Variants in PIK3CA observed in about 807,000 individuals in gnomAD.
PIK3CA encodes the protein phosphatidylinositol-4,5-bisphosphate 3-kinase catalytic subunit alpha.
PIK3CA carries 27 observed loss-of-function variants against 138.2 expected under a neutral mutation model. The observed-to-expected ratio is 0.20, with a 90% CI of 0.14 to 0.27. The LOEUF (loss-of-function observed/expected upper bound fraction) is 0.27. PIK3CA is among the 10% of genes least tolerant of loss of function. The pLI is 1.00. For missense variants in PIK3CA, 544 were observed against 1,277.4 expected, an observed-to-expected ratio of 0.43 and a Z score of 8.75; for synonymous variants, 358 against 413.2, an observed-to-expected ratio of 0.87 and a Z score of 1.62.
intron 15 of PIK3CA, among the ~76,000 whole-genome samples, 178 bp from the exon 16 acceptor site, chr3:179,224,522 A>G (rs1725039802): frequency 6.6e-6 from 1 of 152,170 alleles, no homozygotes; most frequent in Non-Finnish European, 1.5e-5. Context: ...ATAACTTTTA[A>G]AACTTTTAGT....
chr3:179,213,282 G>C (rs1266420783), intron 9 of PIK3CA, among the ~76,000 whole-genome samples: 1 of 152,164 alleles, frequency 6.6e-6, no homozygotes, highest in Non-Finnish European at 1.5e-5. Flanking sequence ...TGGTTTCCCA[G>C]TGCATATAAA....
chr3:179,187,074 A>G (rs1167418182), intron 1 of PIK3CA, among the ~76,000 whole-genome samples: 1 of 151,948 alleles, frequency 6.6e-6, no homozygotes, highest in African/African-American at 2.4e-5. Context: ...TACCCTCTAT[A>G]TGATAACCAA....
intron 6 of PIK3CA, among the ~76,000 whole-genome samples, chr3:179,207,679 C>T (rs1347430936): frequency 6.6e-6 from 1 of 151,914 alleles, no homozygotes; most frequent in African/African-American, 2.4e-5. Context: ...ACCACCACGC[C>T]CAGCTAATCT....
chr3:179,158,082 T>G (rs1393001811), intron 1 of PIK3CA, among the ~76,000 whole-genome samples: 1 of 152,174 alleles, frequency 6.6e-6, no homozygotes, highest in African/African-American at 2.4e-5. Context: ...ATGAAGTGAA[T>G]TGAATTCTGT....
Position 179,239,007 on chromosome 3 carries a change from C to T in PIK3CA, c.*4643C>T. 4.6e-6 allele frequency: 1 copy of T among 216,368 alleles called. No individual in the cohort carries two copies. 13.4% of individuals were successfully genotyped at this position (216,368 alleles called of 1,614,324 possible). A position where few individuals can be genotyped will look rare whatever the true frequency, so the allele number is the denominator to read the frequency against. On this transcript the variant is annotated 3_prime_UTR_variant, in exon 21 of 21. Transcript: ENST00000263967. ...GATTTTAGGTATGTTAATATTCCAG[C>T]CTTGCTAGTTAGCATAAAGTGACAG...
Position 179,198,736 on chromosome 3 carries a change from CT to C in PIK3CA, c.-76-12del, listed in dbSNP as rs1724329838. 3.1e-6 allele frequency: 2 copies of C among 644,164 alleles called. No homozygotes were observed. The highest frequency in any genetic ancestry group is 2.6e-6 in the Non-Finnish European group (1 of 382,856). 39.9% of individuals were successfully genotyped at this position (644,164 alleles called of 1,614,324 possible). On this transcript the variant is annotated splice_polypyrimidine_tract_variant and intron_variant, in intron 1 of 20. Transcript: ENST00000263967. ...TGTGTCTCTTTTAACATATGTTTTC[CT>C]TCTTTGATTTAGGTTTCTGCTTTGG...
At chr3:179,152,100 A>C (rs1723027751) in intron 1 of PIK3CA, among the ~76,000 whole-genome samples, 1 of 152,232 alleles carries the variant, frequency 6.6e-6, no homozygotes, top group Admixed American at 6.5e-5. Context: ...GTAGTGATTC[A>C]TAAGCACCAG....
chr3:179,210,530 C>G lies in PIK3CA; in HGVS notation c.1504C>G (p.Arg502Gly), dbSNP rs1724683795. 1.9e-6 allele frequency: 3 copies of G among 1,613,666 alleles called. No homozygotes were observed. The highest frequency in any genetic ancestry group is 2.2e-5 in the South Asian group (2 of 91,070). The change falls in exon 9 of 21, where the codon CGA becomes GGA. Residue 502 changes from arginine (R) to glycine (G), a missense_variant. By Grantham distance (125) the Arg-to-Gly change is moderately radical. Coordinates refer to ENST00000263967, the MANE Select transcript of PIK3CA (RefSeq NM_006218.4). ...IEEHANWSVS[R>G]EAGFSYSHAG... ...AGAGCATGCCAATTGGTCTGTATCC[C>G]GAGAAGCAGGATTTAGCTATTCCCA... is the stretch of plus-strand genomic sequence containing the variant.
At chr3:179,162,420 A>G (rs1162437268) in intron 1 of PIK3CA, among the ~76,000 whole-genome samples, 2 of 152,108 alleles carry the variant, frequency 1.3e-5, no homozygotes, top group African/African-American at 4.8e-5. Flanking sequence ...CATGTTGCCC[A>G]GGCTGGTCTT....
At chr3:179,211,828 T>C (rs960556586) in intron 9 of PIK3CA, among the ~76,000 whole-genome samples, 3 of 152,096 alleles carry the variant, frequency 2.0e-5, no homozygotes, top group Non-Finnish European at 2.9e-5. Flanking sequence ...AATAACACTA[T>C]GAGGGCTGTA....
At chr3:179,158,396 C>T (rs1374882994) in intron 1 of PIK3CA, among the ~76,000 whole-genome samples, 1 of 152,056 alleles carries the variant, frequency 6.6e-6, no homozygotes, top group East Asian at 1.9e-4. Context: ...TTTCCCTGTC[C>T]ATTCCTGGAA....
At chr3:179,233,848 C>T (rs956413683) in intron 20 of PIK3CA, among the ~76,000 whole-genome samples, 1 of 152,160 alleles carries the variant, frequency 6.6e-6, no homozygotes, top group African/African-American at 2.4e-5. Flanking sequence ...AAACTCCTGA[C>T]ATGCCAGGCA....
chr3:179,180,066 G>C (rs1018354869), intron 1 of PIK3CA, among the ~76,000 whole-genome samples: 7 of 152,144 alleles, frequency 4.6e-5, no homozygotes, highest in African/African-American at 1.7e-4. Flanking sequence ...TAATGTTTGA[G>C]GCTTGAGTCA....
At chr3:179,178,972 G>T (rs1560130049) in intron 1 of PIK3CA, among the ~76,000 whole-genome samples, 1 of 152,110 alleles carries the variant, frequency 6.6e-6, no homozygotes, top group East Asian at 1.9e-4. Context: ...GACTCCCAAA[G>T]GAAAGCAGGT....
rs750662704 is a variant in PIK3CA at position 179,220,949 on chromosome 3, A to G, written c.2016-37A>G. ...ATTATTTGTATACTGATTTAAGACT[A>G]TATATATATATTTTTAATTTTGCAC... On this transcript the variant is annotated intron_variant, in intron 13 of 20. Transcript: ENST00000263967. This position sits in a 1 kb window ranked among gnomAD's most constrained non-coding sequence, Gnocchi z 4.1. 18 of 1,230,256 alleles carry G rather than the reference A, an allele frequency of 1.5e-5. No individual in the cohort carries two copies. The South Asian group carries it at 2.6e-4, about 18-fold the overall frequency. 76.2% of individuals were successfully genotyped at this position (1,230,256 alleles called of 1,614,324 possible).
Position 179,170,076 on chromosome 3 carries a change from G to GCACACACA in PIK3CA, c.-77+21489_-77+21496dup, listed in dbSNP as rs60084117. Among the ~76,000 whole-genome samples the GCACACACA allele has an allele frequency of 2.5e-3, 350 of 139,288 alleles. 6 individuals carry two copies. In the East Asian group the frequency reaches 0.037, roughly 15 times the overall value. The allele number at this position is 139,288 out of a possible 152,430, so 91.4% of individuals were successfully genotyped here. A position where few individuals can be genotyped will look rare whatever the true frequency, so the allele number is the denominator to read the frequency against. On this transcript the variant is annotated intron_variant, in intron 1 of 20. Coordinates refer to ENST00000263967, the MANE Select transcript of PIK3CA (RefSeq NM_006218.4). Reference sequence around the variant, plus strand: ...CACATGCGCGTGCACACGCGCGCGCGCACACACACACACACACACACACGA... The same window carrying GCACACACA: ...CACATGCGCGTGCACACGCGCGCGCGCACACACACACACACACACACACACACACACGA...
At chr3:179,202,495 A>G (rs1724441836) in intron 4 of PIK3CA, among the ~76,000 whole-genome samples, 1 of 152,198 alleles carries the variant, frequency 6.6e-6, no homozygotes, top group Non-Finnish European at 1.5e-5. Context: ...TTTTCTGTTT[A>G]TTAAATAAAT....
chr3:179,212,303 C>T (rs1207084754), intron 9 of PIK3CA, among the ~76,000 whole-genome samples: 5 of 149,580 alleles, frequency 3.3e-5, no homozygotes, highest in Non-Finnish European at 5.9e-5. Context: ...CCACCGCGCC[C>T]GGCCAAACTT....
chr3:179,154,463 C>T (rs541148418), intron 1 of PIK3CA, among the ~76,000 whole-genome samples: 2 of 152,298 alleles, frequency 1.3e-5, no homozygotes, highest in Admixed American at 6.5e-5. Context: ...CCCAAACCAT[C>T]GCCCCCACAC....
Sources: gnomAD v4.1 joint callset for allele counts (sites outside exome capture counted in the v4.1 genomes callset) on GRCh38, gnomAD v4.1.1 for gene constraint, Gnocchi (gnomAD v3.1) non-coding constraint, MANE v1.5 for transcripts, NCBI Gene and HGNC (gene_info 2026-07-23, HGNC 2026-07-21) for gene names.